The following ZBTB7A variants were observed in gnomAD, a reference collection of about 807,000 sequenced individuals.
The protein encoded by ZBTB7A is zinc finger and BTB domain containing 7A, also known as zinc finger and BTB domain-containing protein 7A.
ZBTB7A carries 7 observed loss-of-function variants against 26.7 expected under a neutral mutation model. That is an observed-to-expected ratio of 0.26 (90% confidence interval 0.15 to 0.49). The LOEUF is 0.49. Ranked by LOEUF, ZBTB7A falls within the 20% of genes least tolerant of loss-of-function variation. ZBTB7A has a pLI of 0.98. For missense variants in ZBTB7A, 617 were observed against 919.5 expected (o/e 0.67, Z 4.25); for synonymous variants, 452 against 441.0 (o/e 1.02, Z -0.31).
chr19:4,053,426 T>A (rs973393937), intron 2 of ZBTB7A, among the ~76,000 whole-genome samples: 2 of 152,164 alleles, frequency 1.3e-5, no homozygotes, highest in Non-Finnish European at 2.9e-5. Context: ...TGCATGTATG[T>A]GTGCGCATGT....
chr19:4,065,417 G>A (rs191258216), intron 1 of ZBTB7A: 85,686 of 144,298 alleles, frequency 0.59, 29,836 homozygotes, highest in East Asian at 0.93. Flanking sequence ...TCGCCCGCGC[G>A]GGGGGCTCCT....
intron 1 of ZBTB7A, chr19:4,065,746 C>G (rs553000485): frequency 7.1e-5 from 10 of 140,836 alleles, no homozygotes; most frequent in African/African-American, 1.3e-4. Flanking sequence ...TGACCCCCCC[C>G]CCACGGGCGG....
At chr19:4,055,396 G>A (rs1423907119) in intron 1 of ZBTB7A, 149 bp from the exon 2 acceptor site, 16 of 1,392,022 alleles carry the variant, frequency 1.1e-5, no homozygotes, top group Non-Finnish European at 1.4e-5. Context: ...GCGGTCAGAT[G>A]TCGCGCCTTT....
chr19:4,055,385 G>A, intron 1 of ZBTB7A, 138 bp from the exon 2 acceptor site: 1 of 1,392,762 alleles, frequency 7.2e-7, no homozygotes, highest in Non-Finnish European at 9.3e-7. Flanking sequence ...TGCACGTGAA[G>A]GCGGTCAGAT....
chr19:4,054,354 A>C lies in ZBTB7A; in HGVS notation c.879T>G (p.Ser293=), dbSNP rs915910566. The change falls in exon 2 of 3, where the codon TCT becomes TCG. Residue 293 remains serine (S), a synonymous_variant. Transcript: ENST00000322357. ...LSEAAPEPGD[S]PGFLSGAAEG... ...CGGCCGCTCCCGACAGGAAGCCCGGAGAGTCGCCCGGCTCGGGGGCCGCCT... is the reference window on the plus strand; with the variant it reads ...CGGCCGCTCCCGACAGGAAGCCCGGCGAGTCGCCCGGCTCGGGGGCCGCCT... The C allele has an allele frequency of 6.8e-7, 1 of 1,480,490 alleles. No homozygotes were observed. Among genetic ancestry groups the C allele is most frequent in the African/African-American group, 1.5e-5 (1 of 67,720 alleles). 91.7% of individuals were successfully genotyped at this position (1,480,490 alleles called of 1,614,324 possible).
At chr19:4,049,665 C>A (rs2040476045) in intron 2 of ZBTB7A, among the ~76,000 whole-genome samples, 1 of 152,104 alleles carries the variant, frequency 6.6e-6, no homozygotes, top group Non-Finnish European at 1.5e-5. Flanking sequence ...CAGTTGGTCA[C>A]CCTAGTAACC....
intron 1 of ZBTB7A, among the ~76,000 whole-genome samples, chr19:4,059,107 G>A (rs899204473): frequency 2.0e-5 from 3 of 152,182 alleles, no homozygotes; most frequent in Admixed American, 1.3e-4. Context: ...CGCGGGGAGC[G>A]TGTGAGCAGA....
Position 4,054,191 on chromosome 19 carries a change from C to G in ZBTB7A, c.1042G>C (p.Val348Leu). 1.3e-6 allele frequency: 2 copies of G among 1,593,308 alleles called. No homozygotes were observed. The highest frequency in any genetic ancestry group is 1.7e-6 in the Non-Finnish European group (2 of 1,175,306). The stretch of plus-strand genomic sequence containing the variant: ...AAGTACTTCAGGTAGTAGTCCATGA[C>G]GCCCTTGTCGTCGGCCCGCGACTCC... ...DEESRADDKGVMDYYLKYFSG... is the reference protein window; with the variant it reads ...DEESRADDKGLMDYYLKYFSG... The change falls in exon 2 of 3, where the codon GTC becomes CTC. Residue 348 changes from valine to leucine, a missense_variant. Physicochemically the swap from Val to Leu is conservative, Grantham distance 32. Transcript: ENST00000322357.
At chr19:4,058,163 C>T (rs1568236291) in intron 1 of ZBTB7A, among the ~76,000 whole-genome samples, 2 of 152,296 alleles carry the variant, frequency 1.3e-5, no homozygotes, top group African/African-American at 4.8e-5. Context: ...CCTCAGAGCC[C>T]CCAGCATAGG....
chr19:4,055,031 C>G lies in ZBTB7A; in HGVS notation c.202G>C (p.Val68Leu). Residue 68 changes from valine (V) to leucine (L), a missense_variant, in exon 2 of 3, where the codon GTG (valine) becomes CTG (leucine). By Grantham distance (32) the Val-to-Leu change is conservative. This residue lies in a region of ZBTB7A where 82 missense variants were observed against 195.2 expected (regional missense o/e 0.42). Coordinates refer to ENST00000322357, the MANE Select transcript of ZBTB7A (RefSeq NM_015898.4). ...YFKKLFTSGAVVDQQNVYEID... is the reference protein window; with the variant it reads ...YFKKLFTSGALVDQQNVYEID... ...TCGTACACGTTCTGCTGGTCCACCA[C>G]GGCGCCCGACGTGAACAGCTTCTTG... 1 of 1,610,414 alleles carries G rather than the reference C, an allele frequency of 6.2e-7. No individual in the cohort carries two copies. Among genetic ancestry groups the G allele is most frequent in the South Asian group, 1.1e-5 (1 of 90,972 alleles).
intron 1 of ZBTB7A, among the ~76,000 whole-genome samples, chr19:4,060,340 C>A (rs1048151168): frequency 3.9e-5 from 6 of 152,236 alleles, no homozygotes; most frequent in African/African-American, 1.4e-4. Context: ...GTGCAGCCTG[C>A]CGGTCCCACC....
At position 4,045,833 on chromosome 19, in the gene ZBTB7A, T is replaced by C; in HGVS notation, c.*1919A>G. 2.5e-6 allele frequency: 1 copy of C among 397,644 alleles called. No individual in the cohort carries two copies. Among genetic ancestry groups the C allele is most frequent in the East Asian group, 3.6e-5 (1 of 27,970 alleles). 24.6% of individuals were successfully genotyped at this position (397,644 alleles called of 1,614,324 possible). A position where few individuals can be genotyped will look rare whatever the true frequency, so the allele number is the denominator to read the frequency against. The stretch of plus-strand genomic sequence containing the variant: ...ACCGGGCCTTGTGGGAGCCAGAGGT[T>C]GGGGGGAGGCAGGTCCCAGTCCCCC... On this transcript the variant is annotated 3_prime_UTR_variant, in exon 3 of 3. Coordinates refer to ENST00000322357, the MANE Select transcript of ZBTB7A (RefSeq NM_015898.4). The surrounding 1 kb of genome is among the most constrained non-coding windows in gnomAD (Gnocchi z 4.1).
chr19:4,058,041 G>T (rs2040600031), intron 1 of ZBTB7A, among the ~76,000 whole-genome samples: 1 of 152,160 alleles, frequency 6.6e-6, no homozygotes, highest in African/African-American at 2.4e-5. Context: ...GAAGGGGTGT[G>T]GCAGCCCAGG....
In ZBTB7A at chr19:4,066,749, C is replaced by T. The variant is rs1487638759; in HGVS notation, c.-83G>A. 1 of 151,558 alleles carries T rather than the reference C, an allele frequency of 6.6e-6. No individual in the cohort carries two copies. Among genetic ancestry groups the T allele is most frequent in the Non-Finnish European group, 1.5e-5 (1 of 67,724 alleles). The allele number at this position is 151,558 out of a possible 1,614,324, so 9.4% of individuals were successfully genotyped here. A position where few individuals can be genotyped will look rare whatever the true frequency, so the allele number is the denominator to read the frequency against. On this transcript the variant is annotated 5_prime_UTR_variant, in exon 1 of 3. Coordinates refer to ENST00000322357, the MANE Select transcript of ZBTB7A (RefSeq NM_015898.4). ...TTGGGACTGGGCTCCCTCGGCCGCT[C>T]GCCTCCGGGGTCCGCGGCGCTCGCT...
intron 1 of ZBTB7A, among the ~76,000 whole-genome samples, chr19:4,057,802 TAAC>T (rs1412923556): frequency 1.5e-5 from 2 of 131,106 alleles, no homozygotes; most frequent in South Asian, 2.3e-4. Context: ...AAAAAAACAA[TAAC>T]AACAACACAT....
chr19:4,055,257 T>G lies in ZBTB7A; in HGVS notation c.-15-10A>C, dbSNP rs1341835843. ...TCTTCCGCGCCGAGACCTGCAGCAGTGGGGAAGGAGAGGGCGCTCGTGAGT... is the reference window on the plus strand; with the variant it reads ...TCTTCCGCGCCGAGACCTGCAGCAGGGGGGAAGGAGAGGGCGCTCGTGAGT... On this transcript the variant is annotated splice_polypyrimidine_tract_variant and intron_variant, in intron 1 of 2. Transcript: ENST00000322357. The G allele has an allele frequency of 5.5e-6, 8 of 1,462,466 alleles. No homozygotes were observed. Among genetic ancestry groups the G allele is most frequent in the Non-Finnish European group, 6.3e-6 (7 of 1,108,302 alleles). 90.6% of individuals were successfully genotyped at this position (1,462,466 alleles called of 1,614,324 possible).
intron 1 of ZBTB7A, among the ~76,000 whole-genome samples, chr19:4,059,341 G>A (rs1012899498): frequency 1.3e-5 from 2 of 152,156 alleles, no homozygotes; most frequent in Admixed American, 6.5e-5. Flanking sequence ...ACCTCCTGCA[G>A]GTCCCCGCCA....
chr19:4,057,230 C>A (rs1167552920), intron 1 of ZBTB7A, among the ~76,000 whole-genome samples: 1 of 151,798 alleles, frequency 6.6e-6, no homozygotes, highest in Non-Finnish European at 1.5e-5. Context: ...TGCCTGTAAT[C>A]CCAGCTACTC....
intron 1 of ZBTB7A, among the ~76,000 whole-genome samples, chr19:4,066,297 G>A (rs2040695416): frequency 6.8e-6 from 1 of 147,276 alleles, no homozygotes; most frequent in Admixed American, 6.8e-5. Context: ...CTCGTCTTCA[G>A]CTGGAAACTT....
Sources: gnomAD v4.1 joint callset for allele counts (sites outside exome capture counted in the v4.1 genomes callset) on GRCh38, gnomAD v4.1.1 for gene constraint, gnomAD v4.1.1 regional missense constraint, Gnocchi (gnomAD v3.1) non-coding constraint, MANE v1.5 for transcripts, NCBI Gene and HGNC (gene_info 2026-07-23, HGNC 2026-07-21) for gene names.